The following UBR3 variants were observed in gnomAD, a reference collection of about 807,000 sequenced individuals.
The protein encoded by UBR3 is E3 ubiquitin-protein ligase UBR3.
A neutral mutation model predicts 243.2 loss-of-function variants in UBR3; 85 were observed. The ratio of observed to expected loss-of-function variants is 0.35; its 90% CI spans 0.29 to 0.42. UBR3 has a LOEUF of 0.42. Ranked by LOEUF, UBR3 falls within the 10% of genes least tolerant of loss-of-function variation. The probability of loss-of-function intolerance (pLI) is 1.00; values close to 1 mark genes in which losing one functional copy is unlikely to be tolerated. For synonymous variants in UBR3, 748 were observed against 799.8 expected (o/e 0.94, Z 1.09); for missense variants, 1,686 against 2,300.8 (o/e 0.73, Z 5.47).
intron 29 of UBR3, chr2:170,015,010 C>T: frequency 8.0e-6 from 2 of 251,238 alleles, no homozygotes; most frequent in Non-Finnish European, 1.5e-5. Context: ...TTAGTATGTG[C>T]CAAGAGTTGG....
At chr2:169,871,014 T>C (rs1434397465) in intron 1 of UBR3, among the ~76,000 whole-genome samples, 3 of 152,174 alleles carry the variant, frequency 2.0e-5, no homozygotes, top group Non-Finnish European at 4.4e-5. Context: ...GTTGTTTTTC[T>C]CTATTTATTC....
intron 29 of UBR3, among the ~76,000 whole-genome samples, chr2:170,009,979 A>G (rs2090036416): frequency 6.6e-6 from 1 of 152,168 alleles, no homozygotes; most frequent in Admixed American, 6.5e-5. Flanking sequence ...ATGGAACCAG[A>G]TTTAGAATAA....
chr2:170,042,688 CAAAAAAAAAAA>C (rs59694680), intron 32 of UBR3, among the ~76,000 whole-genome samples: 19 of 91,588 alleles, frequency 2.1e-4, no homozygotes, highest in African/African-American at 7.8e-4. Context: ...TACTCTGCCT[CAAAAAAAAAAA>C]AAAAAAAAAG....
At position 169,856,618 on chromosome 2, in the gene UBR3, G is replaced by T. The variant is rs1286437740; in HGVS notation, c.546-15618G>T. On this transcript the variant is annotated intron_variant, in intron 1 of 38. Coordinates refer to ENST00000272793, the MANE Select transcript of UBR3 (RefSeq NM_172070.4). ...GGCCGAGGCTGGCAGATCACTCGCA[G>T]TCAGGAGCTGGAGACCAGCCCGGCC... Among the ~76,000 whole-genome samples, 7 of 152,354 alleles carry T rather than the reference G, an allele frequency of 4.6e-5. No individual in the cohort carries two copies. The East Asian group carries it at 1.2e-3, about 25-fold the overall frequency.
intron 31 of UBR3, among the ~76,000 whole-genome samples, chr2:170,039,324 G>A (rs570934989): frequency 6.6e-6 from 1 of 152,194 alleles, no homozygotes; most frequent in South Asian, 2.1e-4. Flanking sequence ...GGAGATCATT[G>A]TTGATCATGT....
chr2:169,940,610 G>A (rs942123228), intron 19 of UBR3, among the ~76,000 whole-genome samples: 1 of 152,044 alleles, frequency 6.6e-6, no homozygotes, highest in African/African-American at 2.4e-5. Flanking sequence ...CTTCTTAATT[G>A]TGTTGTTAAA....
chr2:170,068,314 A>C (rs1201805706), intron 35 of UBR3, among the ~76,000 whole-genome samples: 2 of 152,050 alleles, frequency 1.3e-5, no homozygotes, highest in Non-Finnish European at 2.9e-5. Flanking sequence ...ACTAAAATAC[A>C]GAAATTAGCC....
chr2:169,935,424 C>T (rs987614140), intron 19 of UBR3, among the ~76,000 whole-genome samples: 5 of 152,126 alleles, frequency 3.3e-5, no homozygotes, highest in Non-Finnish European at 4.4e-5. Flanking sequence ...CTGTCTCAGC[C>T]GCCCATAGTG....
chr2:170,008,507 A>G (rs571568670), intron 28 of UBR3, among the ~76,000 whole-genome samples: 25 of 152,266 alleles, frequency 1.6e-4, no homozygotes, highest in African/African-American at 5.8e-4. Context: ...ACTTTGTTCT[A>G]ACATATTATT....
intron 1 of UBR3, among the ~76,000 whole-genome samples, chr2:169,848,848 G>A (rs900622700): frequency 2.6e-5 from 4 of 151,794 alleles, no homozygotes; most frequent in South Asian, 2.1e-4. Context: ...GATTACAGGC[G>A]CCTGCTACCA....
intron 30 of UBR3, among the ~76,000 whole-genome samples, chr2:170,020,188 G>A (rs1426538627): frequency 6.6e-6 from 1 of 152,092 alleles, no homozygotes; most frequent in African/African-American, 2.4e-5. Flanking sequence ...ACCAATTTCT[G>A]CAAGCAGATT....
chr2:169,862,953 A>C (rs1483657676), intron 1 of UBR3, among the ~76,000 whole-genome samples: 1 of 152,202 alleles, frequency 6.6e-6, no homozygotes, highest in Non-Finnish European at 1.5e-5. Context: ...TATCTGTATA[A>C]TTTGTTGCAA....
intron 23 of UBR3, among the ~76,000 whole-genome samples, chr2:169,952,890 AATAAATCT>A (rs539339863): frequency 1.4e-3 from 217 of 152,288 alleles, no homozygotes; most frequent in African/African-American, 5.0e-3. Context: ...CCTAGAATGT[AATAAATCT>A]ACTGACAAAA....
chr2:169,999,328 C>G (rs1328937668), intron 26 of UBR3, among the ~76,000 whole-genome samples: 1 of 152,132 alleles, frequency 6.6e-6, no homozygotes, highest in Non-Finnish European at 1.5e-5. Flanking sequence ...GCCTGCTCAC[C>G]AGCTGTATTT....
At chr2:169,984,228 G>A (rs1310586049) in intron 24 of UBR3, among the ~76,000 whole-genome samples, 1 of 152,060 alleles carries the variant, frequency 6.6e-6, no homozygotes, top group Non-Finnish European at 1.5e-5. Flanking sequence ...CTCATTTAGA[G>A]TAGGGGTTTT....
intron 1 of UBR3, among the ~76,000 whole-genome samples, chr2:169,859,083 T>TTTTTTC: frequency 7.6e-6 from 1 of 132,382 alleles, no homozygotes; most frequent in Non-Finnish European, 1.6e-5. Flanking sequence ...CACCATGGCT[T>TTTTTTC]TTTTTTTTTT....
intron 31 of UBR3, 133 bp from the exon 32 acceptor site, chr2:170,040,746 TAAG>T: frequency 1.4e-6 from 1 of 731,098 alleles, no homozygotes; most frequent in South Asian, 2.6e-5. Flanking sequence ...ATATGACTCC[TAAG>T]GTTTTTTTTT....
At chr2:170,077,292 C>A in intron 36 of UBR3, 1 of 753,618 alleles carries the variant, frequency 1.3e-6, no homozygotes, top group Non-Finnish European at 2.5e-6. Flanking sequence ...GCCTATTTTC[C>A]CCAAATAACC....
intron 5 of UBR3, among the ~76,000 whole-genome samples, chr2:169,887,869 C>T (rs935749203): frequency 4.6e-5 from 7 of 151,496 alleles, no homozygotes; most frequent in African/African-American, 4.8e-5. Flanking sequence ...CTCCCCCTCC[C>T]GGGTTCAACC....
Sources: gnomAD v4.1 joint callset for allele counts (sites outside exome capture counted in the v4.1 genomes callset) on GRCh38, gnomAD v4.1.1 for gene constraint, MANE v1.5 for transcripts, NCBI Gene and HGNC (gene_info 2026-07-23, HGNC 2026-07-21) for gene names.